CNTN1: variants seen among roughly 807,000 people sequenced by gnomAD.
CNTN1 encodes contactin 1.
A neutral mutation model predicts 126.4 loss-of-function variants in CNTN1; 38 were observed. The ratio of observed to expected loss-of-function variants is 0.30; its 90% CI spans 0.23 to 0.39. The LOEUF (loss-of-function observed/expected upper bound fraction) is 0.39. CNTN1 is among the 10% of genes least tolerant of loss of function. CNTN1 has a pLI of 1.00. For missense variants in CNTN1, 1,009 were observed against 1,248.4 expected, an observed-to-expected ratio of 0.81 and a Z score of 2.89; for synonymous variants, 413 against 422.6, an observed-to-expected ratio of 0.98 and a Z score of 0.28.
At chr12:40,788,230 T>C (rs1274886227) in intron 1 of CNTN1, among the ~76,000 whole-genome samples, 3 of 152,160 alleles carry the variant, frequency 2.0e-5, no homozygotes, top group Non-Finnish European at 2.9e-5. Context: ...CATTGATTTC[T>C]GTCACTATAC....
chr12:40,742,886 A>G (rs1938006928), intron 1 of CNTN1, among the ~76,000 whole-genome samples: 1 of 152,134 alleles, frequency 6.6e-6, no homozygotes, highest in Non-Finnish European at 1.5e-5. Context: ...AGACAATGAT[A>G]CAATAATGAG....
At chr12:41,042,924 T>G (rs1592450646) in intron 23 of CNTN1, among the ~76,000 whole-genome samples, 1 of 152,108 alleles carries the variant, frequency 6.6e-6, no homozygotes, top group Non-Finnish European at 1.5e-5. Flanking sequence ...TAATAAATGG[T>G]GCTGGGAAAA....
intron 1 of CNTN1, among the ~76,000 whole-genome samples, chr12:40,838,198 A>G (rs1254136692): frequency 6.6e-6 from 1 of 152,106 alleles, no homozygotes; most frequent in East Asian, 1.9e-4. Flanking sequence ...GAGCACTCCT[A>G]CTAGCATCCT....
At chr12:40,930,047 C>T in intron 7 of CNTN1, 45 bp downstream of exon 7, 3 of 1,341,492 alleles carry the variant, frequency 2.2e-6, no homozygotes, top group Non-Finnish European at 3.2e-6. Flanking sequence ...AGGTTATCTA[C>T]ATATGGTATA....
chr12:40,772,130 T>A (rs1406106247), intron 1 of CNTN1, among the ~76,000 whole-genome samples: 4 of 152,088 alleles, frequency 2.6e-5, no homozygotes, highest in African/African-American at 9.7e-5. Context: ...CTCATATTTA[T>A]TTCTTATCTG....
intron 1 of CNTN1, among the ~76,000 whole-genome samples, chr12:40,723,401 T>C (rs1181028505): frequency 6.6e-6 from 1 of 152,206 alleles, no homozygotes; most frequent in Non-Finnish European, 1.5e-5. Context: ...CCCGAAAGCC[T>C]CCAAGATGAC....
In CNTN1 at chr12:40,987,167, A is replaced by G. The variant is rs142454097; in HGVS notation, c.1964-5953A>G. On this transcript the variant is annotated intron_variant, in intron 16 of 23. Transcript: ENST00000551295. Reference sequence around the variant, plus strand: ...CAACAAATACAGAAATAAAAATCATATGGTTTTTATTTATAATGTGACCAC... The same window carrying G: ...CAACAAATACAGAAATAAAAATCATGTGGTTTTTATTTATAATGTGACCAC... 3.1e-3 allele frequency among the ~76,000 whole-genome samples: 473 copies of G among 152,292 alleles called. 3 individuals carry two copies. The highest frequency in any genetic ancestry group is 0.01 in the African/African-American group (418 of 41,546).
At chr12:41,025,590 T>G (rs74076941) in intron 21 of CNTN1, among the ~76,000 whole-genome samples, 308 of 152,326 alleles carry the variant, frequency 2.0e-3, no homozygotes, top group Middle Eastern at 0.01. Flanking sequence ...GGCTGTCCTC[T>G]CAAATTCTGT....
At chr12:40,924,879 A>AATATATATATATATATATATATAT (rs1297006824) in intron 6 of CNTN1, among the ~76,000 whole-genome samples, 1 of 54,306 alleles carries the variant, frequency 1.8e-5, no homozygotes, top group African/African-American at 9.5e-5. Context: ...TTAGTTTATA[A>AATATATATATATATATATATATAT]ACATATATAT....
intron 7 of CNTN1, among the ~76,000 whole-genome samples, chr12:40,933,196 TA>T (rs1945957411): frequency 6.6e-6 from 1 of 151,968 alleles, no homozygotes; most frequent in Admixed American, 6.6e-5. Flanking sequence ...TGTTGCTCAC[TA>T]AAGACAGGAT....
At position 41,063,461 on chromosome 12, in the gene CNTN1, T is replaced by C. The variant is rs144561038; in HGVS notation, c.2981-6498T>C. On this transcript the variant is annotated intron_variant, in intron 23 of 23. Coordinates refer to ENST00000551295, the MANE Select transcript of CNTN1 (RefSeq NM_001843.4). ...TTTGGGAGATACTGATTATCCTCTG[T>C]TGCTTTGATGATTCTCAACATGCAT... Among the ~76,000 whole-genome samples the C allele has an allele frequency of 2.2e-3, 328 of 152,364 alleles. 6 individuals are homozygous for C. In the East Asian group the frequency reaches 0.035, roughly 16 times the overall value.
At chr12:40,943,538 CATA>C (rs1400647488) in intron 12 of CNTN1, 56 bp from the exon 13 acceptor site, 39 of 1,265,360 alleles carry the variant, frequency 3.1e-5, no homozygotes, top group Middle Eastern at 1.9e-4. Flanking sequence ...TAATCTAAGA[CATA>C]ATAATGTATT....
chr12:40,804,889 C>T (rs1053518298), intron 1 of CNTN1, among the ~76,000 whole-genome samples: 6 of 151,784 alleles, frequency 4.0e-5, no homozygotes, highest in African/African-American at 1.5e-4. Flanking sequence ...ATTTTGCCTG[C>T]ATTTTTGAAA....
chr12:40,846,876 A>T lies in CNTN1; in HGVS notation c.-76-61481A>T, dbSNP rs1942526739. On this transcript the variant is annotated intron_variant, in intron 1 of 23. Transcript: ENST00000551295. ...CCAGTTATTTTTTTTTATTATTTTT[A>T]TTTTTTTCTGAGATGGAGTCTCACT... 2.7e-5 allele frequency among the ~76,000 whole-genome samples: 4 copies of T among 147,466 alleles called. No individual in the cohort carries two copies. In the South Asian group the frequency reaches 8.6e-4, roughly 32 times the overall value.
At chr12:41,044,195 A>C (rs1440426706) in intron 23 of CNTN1, among the ~76,000 whole-genome samples, 1 of 152,084 alleles carries the variant, frequency 6.6e-6, no homozygotes, top group South Asian at 2.1e-4. Flanking sequence ...TCAGAGAAAG[A>C]GTAATGGAAA....
intron 17 of CNTN1, among the ~76,000 whole-genome samples, chr12:40,999,010 T>C (rs566702451): frequency 7.2e-5 from 11 of 152,296 alleles, no homozygotes; most frequent in African/African-American, 2.2e-4. Context: ...ACAAGCCAAT[T>C]TGTACATTCT....
intron 1 of CNTN1, among the ~76,000 whole-genome samples, chr12:40,693,814 G>A (rs1228722669): frequency 6.6e-6 from 1 of 152,126 alleles, no homozygotes; most frequent in Non-Finnish European, 1.5e-5. Context: ...CTCCATTGGG[G>A]GAAAAGCCGG....
Position 41,014,311 on chromosome 12 carries a change from G to A in CNTN1, c.2184+13G>A. On this transcript the variant is annotated intron_variant, in intron 18 of 23. Transcript: ENST00000551295. ...CATAACATGGGCGGTAAGTATTGATGAGTTGCACATATTATAGGTTGCTGT... is the reference window on the plus strand; with the variant it reads ...CATAACATGGGCGGTAAGTATTGATAAGTTGCACATATTATAGGTTGCTGT... 1 of 1,613,146 alleles carries A rather than the reference G, an allele frequency of 6.2e-7. No homozygotes were observed. The highest frequency in any genetic ancestry group is 8.5e-7 in the Non-Finnish European group (1 of 1,179,188).
Position 40,863,127 on chromosome 12 carries a change from A to G in CNTN1, c.-76-45230A>G, listed in dbSNP as rs117114647. ...TTGGGTTCAGGGACCTTGATATTTT[A>G]TGAATTTAAAATGATAATCTTAGAA... On this transcript the variant is annotated intron_variant, in intron 1 of 23. Coordinates refer to ENST00000551295, the MANE Select transcript of CNTN1 (RefSeq NM_001843.4). 1.7e-4 allele frequency among the ~76,000 whole-genome samples: 26 copies of G among 152,304 alleles called. 1 individual carries two copies. In the East Asian group the frequency reaches 5.0e-3, roughly 29 times the overall value.
Sources: allele counts gnomAD v4.1 joint callset (sites outside exome capture counted in the v4.1 genomes callset), GRCh38; gene constraint gnomAD v4.1.1; transcripts MANE v1.5; gene names NCBI Gene and HGNC (gene_info 2026-07-23, HGNC 2026-07-21).